Variants in CNR2 observed in about 807,000 individuals in gnomAD.
The protein encoded by CNR2 is cannabinoid receptor 2.
For missense variants in CNR2, 379 were observed against 439.9 expected, an observed-to-expected ratio of 0.86 and a Z score of 1.24; for synonymous variants, 172 against 182.2, an observed-to-expected ratio of 0.94 and a Z score of 0.45.
At chr1:23,882,617 C>A (rs1208510959) in intron 1 of CNR2, among the ~76,000 whole-genome samples, 1 of 130,914 alleles carries the variant, frequency 7.6e-6, no homozygotes, top group African/African-American at 2.9e-5. Flanking sequence ...ACTAGCCTAG[C>A]CAACATGGTG....
At chr1:23,899,711 G>C (rs1039857969) in intron 1 of CNR2, among the ~76,000 whole-genome samples, 2 of 147,606 alleles carry the variant, frequency 1.4e-5, no homozygotes, top group African/African-American at 2.5e-5. Context: ...CTACTCGAGA[G>C]GGGGAGGCAG....
At position 23,875,047 on chromosome 1, in the gene CNR2, G is replaced by T; in HGVS notation, c.571C>A (p.Leu191Met). The T allele has an allele frequency of 6.2e-7, 1 of 1,606,296 alleles. No homozygotes were observed. The highest frequency in any genetic ancestry group is 1.7e-5 in the Admixed American group (1 of 59,132). Residue 191 changes from leucine to methionine, a missense_variant, in exon 2 of 2, where the codon CTG (leucine) becomes ATG (methionine). Coordinates refer to ENST00000374472, the MANE Select transcript of CNR2 (RefSeq NM_001841.3). ...ELFPLIPNDYLLSWLLFIAFL... is the reference protein window; with the variant it reads ...ELFPLIPNDYMLSWLLFIAFL... ...GCGATGAACAGGAGCCAGCTCAGCA[G>T]GTAGTCATTGGGGATCAGTGGGAAA...
chr1:23,907,473 C>T (rs1460199895), intron 1 of CNR2, among the ~76,000 whole-genome samples: 1 of 149,440 alleles, frequency 6.7e-6, no homozygotes, highest in South Asian at 2.1e-4. Context: ...GAGGAGTTAA[C>T]ACCATCATTT....
At chr1:23,880,713 C>T (rs962335540) in intron 1 of CNR2, among the ~76,000 whole-genome samples, 2 of 151,636 alleles carry the variant, frequency 1.3e-5, no homozygotes, top group African/African-American at 4.8e-5. Context: ...TTACAGGTGC[C>T]TGCCACCAGG....
At position 23,898,641 on chromosome 1, in the gene CNR2, A is replaced by AT. The variant is rs71026701; in HGVS notation, c.-46+14604dup. Among the ~76,000 whole-genome samples the AT allele has an allele frequency of 2.8e-4, 7 of 25,332 alleles. 1 individual carries two copies. Among genetic ancestry groups the AT allele is most frequent in the African/African-American group, 1.2e-3 (7 of 6,004 alleles). 16.6% of individuals were successfully genotyped at this position (25,332 alleles called of 152,430 possible). ...AGGCTTGAGCCACCACGCCTGGCCA[A>AT]TTTTTTTTTTTTTTTTTTTTTTTTT... On this transcript the variant is annotated intron_variant, in intron 1 of 1. Transcript: ENST00000374472.
At chr1:23,902,214 A>G in intron 1 of CNR2, 1 of 1,084,994 alleles carries the variant, frequency 9.2e-7, no homozygotes, top group Non-Finnish European at 1.3e-6. Flanking sequence ...CCTGGTGTTG[A>G]GGGCCTCCCG....
chr1:23,895,494 A>G (rs1640264999), intron 1 of CNR2, among the ~76,000 whole-genome samples: 1 of 152,046 alleles, frequency 6.6e-6, no homozygotes, highest in African/African-American at 2.4e-5. Context: ...CAAAGCCAGG[A>G]CCTGAGTCCT....
intron 1 of CNR2, among the ~76,000 whole-genome samples, chr1:23,885,333 T>C (rs1224969111): frequency 1.3e-5 from 2 of 151,956 alleles, no homozygotes; most frequent in Non-Finnish European, 2.9e-5. Flanking sequence ...TCTTGAATAC[T>C]GTAGACCCCA....
At chr1:23,900,347 C>G (rs1640377443) in intron 1 of CNR2, among the ~76,000 whole-genome samples, 1 of 151,918 alleles carries the variant, frequency 6.6e-6, no homozygotes, top group Non-Finnish European at 1.5e-5. Flanking sequence ...TCCCGCACAG[C>G]CAGCTCTGCA....
chr1:23,896,267 T>G (rs751200392), intron 1 of CNR2, among the ~76,000 whole-genome samples: 2 of 152,232 alleles, frequency 1.3e-5, no homozygotes, highest in African/African-American at 2.4e-5. Context: ...TGGAGTCAGA[T>G]AGCACTGAGT....
At chr1:23,889,923 T>A (rs781360090) in intron 1 of CNR2, among the ~76,000 whole-genome samples, 31 of 152,204 alleles carry the variant, frequency 2.0e-4, no homozygotes, top group African/African-American at 7.0e-4. Context: ...TGGTTTACAG[T>A]AGGTATCTAA....
intron 1 of CNR2, among the ~76,000 whole-genome samples, chr1:23,876,962 G>A (rs1036412884): frequency 6.6e-6 from 1 of 151,990 alleles, no homozygotes; most frequent in African/African-American, 2.4e-5. Flanking sequence ...TTATTAGAAA[G>A]CAAACTAAAC....
chr1:23,879,560 C>CTAT (rs1300654757), intron 1 of CNR2, among the ~76,000 whole-genome samples: 1 of 152,170 alleles, frequency 6.6e-6, no homozygotes, highest in African/African-American at 2.4e-5. Context: ...GTGCAGTGAT[C>CTAT]TATGATTGTG....
intron 1 of CNR2, among the ~76,000 whole-genome samples, chr1:23,898,340 T>C (rs1421396789): frequency 0.13 from 62 of 490 alleles, 6 homozygotes; most frequent in Admixed American, 0.29. Flanking sequence ...CCCGGCTTTT[T>C]TTTTTTTTTT....
intron 1 of CNR2, among the ~76,000 whole-genome samples, chr1:23,908,373 C>A (rs1414857581): frequency 6.6e-6 from 1 of 152,186 alleles, no homozygotes; most frequent in Admixed American, 6.6e-5. Context: ...CGGCTCACTG[C>A]AGCCTTGAAT....
intron 1 of CNR2, among the ~76,000 whole-genome samples, chr1:23,880,380 T>C (rs1639960209): frequency 6.6e-6 from 1 of 151,956 alleles, no homozygotes; most frequent in Admixed American, 6.6e-5. Context: ...GGTTTCACCG[T>C]GTTAGTCAGG....
At position 23,873,055 on chromosome 1, in the gene CNR2, A is replaced by G. The variant is rs1414628689; in HGVS notation, c.*1480T>C. ...ATAGCTAGTGGATATTTTGTCTTGA[A>G]AGTATTAAACGAAGACATGTTTAAC... On this transcript the variant is annotated 3_prime_UTR_variant, in exon 2 of 2. Transcript: ENST00000374472. 2 of 152,196 alleles carry G rather than the reference A, an allele frequency of 1.3e-5. No homozygotes were observed. The allele number at this position is 152,196 out of a possible 1,614,324, so 9.4% of individuals were successfully genotyped here.
At chr1:23,911,696 C>T (rs1345080135) in intron 1 of CNR2, among the ~76,000 whole-genome samples, 4 of 152,218 alleles carry the variant, frequency 2.6e-5, no homozygotes, top group Non-Finnish European at 4.4e-5. Context: ...AGGGGGCTGG[C>T]GCTGGAGGGC....
At chr1:23,902,501 G>C in intron 1 of CNR2, 1 of 1,607,282 alleles carries the variant, frequency 6.2e-7, no homozygotes. Context: ...TCTCATCACT[G>C]TACACGTACT....
Sources: gnomAD v4.1 joint callset for allele counts (sites outside exome capture counted in the v4.1 genomes callset) on GRCh38, gnomAD v4.1.1 for gene constraint, MANE v1.5 for transcripts, NCBI Gene and HGNC (gene_info 2026-07-23, HGNC 2026-07-21) for gene names.